The following LAMA2 variants were observed in gnomAD, a reference collection of about 807,000 sequenced individuals.
LAMA2 encodes laminin subunit alpha 2.
A neutral mutation model predicts 364.8 loss-of-function variants in LAMA2; 269 were observed. That is an observed-to-expected ratio of 0.74 (90% CI 0.67 to 0.82). LAMA2 has a LOEUF of 0.82. Among genes scored for constraint, LAMA2 ranks in the 40% least tolerant of loss-of-function variants. The pLI is 0.00. For missense variants in LAMA2, 3,807 were observed against 3,873.2 expected, an observed-to-expected ratio of 0.98 and a Z score of 0.45; for synonymous variants, 1,379 against 1,370.6, an observed-to-expected ratio of 1.01 and a Z score of -0.14.
At chr6:129,384,231 G>A (rs1169339771) in intron 35 of LAMA2, among the ~76,000 whole-genome samples, 1 of 152,180 alleles carries the variant, frequency 6.6e-6, no homozygotes, top group Admixed American at 6.5e-5. Context: ...TCCTCTGCTA[G>A]ATGAAGCTGT....
chr6:129,366,125 C>A (rs1390881618), intron 32 of LAMA2, 94 bp from the exon 33 acceptor site: 1 of 1,317,108 alleles, frequency 7.6e-7, no homozygotes, highest in Non-Finnish European at 1.1e-6. Flanking sequence ...TGGAATTATT[C>A]TTGGACCATA....
At position 129,434,410 on chromosome 6, in the gene LAMA2, A is replaced by G. The variant is rs998169003; in HGVS notation, c.5969-4236A>G. On this transcript the variant is annotated intron_variant, in intron 41 of 64. Transcript: ENST00000421865. Reference sequence around the variant, plus strand: ...GAGAAAGGGAGAGCCAGACTTAAAGACGTATGTGTGTGTAGCCTTTGAGTT... The same window carrying G: ...GAGAAAGGGAGAGCCAGACTTAAAGGCGTATGTGTGTGTAGCCTTTGAGTT... Among the ~76,000 whole-genome samples, 4 of 152,110 alleles carry G rather than the reference A, an allele frequency of 2.6e-5. No individual in the cohort carries two copies. The East Asian group carries it at 5.8e-4, about 22-fold the overall frequency.
chr6:129,304,487 T>C (rs1562437952), intron 22 of LAMA2, among the ~76,000 whole-genome samples: 1 of 152,148 alleles, frequency 6.6e-6, no homozygotes, highest in Admixed American at 6.5e-5. Flanking sequence ...ATGGTCTCGA[T>C]CTCCTGACCT....
chr6:129,347,534 T>C (rs563165504), intron 30 of LAMA2, among the ~76,000 whole-genome samples: 2 of 152,058 alleles, frequency 1.3e-5, no homozygotes, highest in African/African-American at 2.4e-5. Context: ...AAGGAAATGG[T>C]TTCCAGGAAG....
chr6:129,340,830 C>CAAAA (rs34264921), intron 29 of LAMA2, among the ~76,000 whole-genome samples: 20 of 59,544 alleles, frequency 3.4e-4, no homozygotes, highest in African/African-American at 8.9e-4. Flanking sequence ...AGCTCTGTCT[C>CAAAA]AAAAAAAAAA....
intron 7 of LAMA2, among the ~76,000 whole-genome samples, chr6:129,151,470 T>C (rs1181973461): frequency 6.6e-6 from 1 of 152,162 alleles, no homozygotes; most frequent in African/African-American, 2.4e-5. Flanking sequence ...GGAGGATCTC[T>C]TGAGCCCAGG....
chr6:129,076,358 T>C (rs1344094023), intron 3 of LAMA2, among the ~76,000 whole-genome samples: 2 of 149,458 alleles, frequency 1.3e-5, no homozygotes, highest in Non-Finnish European at 3.0e-5. Context: ...ATTAAACCAC[T>C]CAGGTCTTGG....
At chr6:128,964,222 G>T (rs1299260476) in intron 1 of LAMA2, among the ~76,000 whole-genome samples, 2 of 152,042 alleles carry the variant, frequency 1.3e-5, no homozygotes, top group African/African-American at 4.8e-5. Context: ...CATTTTATGT[G>T]ATATCTGACA....
At chr6:129,304,420 C>T (rs1210443349) in intron 22 of LAMA2, among the ~76,000 whole-genome samples, 9 of 152,052 alleles carry the variant, frequency 5.9e-5, no homozygotes, top group African/African-American at 1.4e-4. Flanking sequence ...CCCGCCACTA[C>T]GCCCGGCTAA....
chr6:129,442,038 G>C (rs1181498660), intron 43 of LAMA2, among the ~76,000 whole-genome samples: 1 of 152,128 alleles, frequency 6.6e-6, no homozygotes, highest in Non-Finnish European at 1.5e-5. Context: ...CACCAAAGGA[G>C]ATGCTTGGGT....
chr6:129,005,076 A>G (rs909325988), intron 1 of LAMA2, among the ~76,000 whole-genome samples: 4 of 152,170 alleles, frequency 2.6e-5, no homozygotes, highest in South Asian at 2.1e-4. Flanking sequence ...TACTTACTCT[A>G]ATGTGTTTTA....
chr6:128,939,728 C>T (rs149586172), intron 1 of LAMA2, among the ~76,000 whole-genome samples: 26 of 152,050 alleles, frequency 1.7e-4, no homozygotes, highest in East Asian at 5.8e-4. Flanking sequence ...TGAGTAGAGA[C>T]GGGAATAGGC....
intron 1 of LAMA2, among the ~76,000 whole-genome samples, chr6:128,909,103 G>A (rs1777704333): frequency 6.6e-6 from 1 of 150,510 alleles, no homozygotes; most frequent in Non-Finnish European, 1.5e-5. Context: ...TGAAAAAAAT[G>A]TATATTCTGT....
intron 1 of LAMA2, among the ~76,000 whole-genome samples, chr6:128,981,950 C>G (rs1157216094): frequency 2.6e-5 from 4 of 152,178 alleles, no homozygotes; most frequent in Admixed American, 2.6e-4. Flanking sequence ...CACCCAACCT[C>G]TCTGCTCTCA....
intron 1 of LAMA2, among the ~76,000 whole-genome samples, chr6:129,047,234 TTA>T (rs1787581376): frequency 6.6e-6 from 1 of 152,226 alleles, no homozygotes; most frequent in Non-Finnish European, 1.5e-5. Flanking sequence ...ACTCTACTTT[TTA>T]TAAAACATTA....
At chr6:129,223,434 T>C (rs1338840925) in intron 12 of LAMA2, among the ~76,000 whole-genome samples, 1 of 152,230 alleles carries the variant, frequency 6.6e-6, no homozygotes, top group Non-Finnish European at 1.5e-5. Flanking sequence ...ATGTCCTCAA[T>C]GGTATTGCCT....
chr6:129,235,836 G>A (rs1784948084), intron 12 of LAMA2, among the ~76,000 whole-genome samples: 3 of 152,052 alleles, frequency 2.0e-5, no homozygotes, highest in Admixed American at 1.3e-4. Flanking sequence ...AAAGGCCACA[G>A]TCTGACCTAC....
intron 20 of LAMA2, among the ~76,000 whole-genome samples, chr6:129,294,125 GAA>G (rs1262453567): frequency 6.6e-6 from 1 of 152,196 alleles, no homozygotes; most frequent in Non-Finnish European, 1.5e-5. Context: ...AACACAGAAA[GAA>G]AGACTGGGTA....
chr6:129,175,680 A>G (rs12661965), intron 9 of LAMA2, among the ~76,000 whole-genome samples: 2,682 of 152,240 alleles, frequency 0.018, 97 homozygotes, highest in East Asian at 0.15. Context: ...ATCACATGCC[A>G]GGGCCTGTCA....
Sources: gnomAD v4.1 joint callset for allele counts (sites outside exome capture counted in the v4.1 genomes callset) on GRCh38, gnomAD v4.1.1 for gene constraint, MANE v1.5 for transcripts, NCBI Gene and HGNC (gene_info 2026-07-23, HGNC 2026-07-21) for gene names.